LOC128462377: variants seen among roughly 807,000 people sequenced by gnomAD.
chr16:89,339,099 T>C, the LOC128462377 span, among the ~76,000 whole-genome samples: 3 of 152,146 alleles, frequency 2.0e-5, no homozygotes, highest in Non-Finnish European at 4.4e-5. Context: ...TGGGTGAGCG[T>C]TGCACCCCCA....
At chr16:89,334,381 CT>C in the LOC128462377 span, among the ~76,000 whole-genome samples, 1 of 152,162 alleles carries the variant, frequency 6.6e-6, no homozygotes, top group African/African-American at 2.4e-5. Flanking sequence ...ACAACCTCCT[CT>C]CAGGTTCTGA....
chr16:89,379,748 T>C, the LOC128462377 span, among the ~76,000 whole-genome samples: 1 of 152,236 alleles, frequency 6.6e-6, no homozygotes, highest in Non-Finnish European at 1.5e-5. Context: ...GTTCTTGTGA[T>C]TCACAAAGAA....
At chr16:89,333,622 A>G in the LOC128462377 span, among the ~76,000 whole-genome samples, 1 of 152,072 alleles carries the variant, frequency 6.6e-6, no homozygotes, top group East Asian at 1.9e-4. Context: ...TACAGTGTGT[A>G]GTCCTTGGAG....
At chr16:89,342,073 C>CTCT in the LOC128462377 span, among the ~76,000 whole-genome samples, 2 of 78,064 alleles carry the variant, frequency 2.6e-5, no homozygotes, top group African/African-American at 8.6e-5. Context: ...GCTGCACCTC[C>CTCT]ACCGCCCACA....
the LOC128462377 span, among the ~76,000 whole-genome samples, chr16:89,356,780 C>CA: frequency 0.6 from 61,697 of 103,544 alleles, 16,553 homozygotes; most frequent in Middle Eastern, 0.69. Context: ...GACTCCGTCT[C>CA]AAAAAAAAAA....
chr16:89,327,301 T>C, the LOC128462377 span, among the ~76,000 whole-genome samples: 1 of 151,992 alleles, frequency 6.6e-6, no homozygotes, highest in South Asian at 2.1e-4. Flanking sequence ...AACAGGAGTG[T>C]GGAGAAACAT....
the LOC128462377 span, among the ~76,000 whole-genome samples, chr16:89,415,485 TG>T: frequency 6.8e-6 from 1 of 147,552 alleles, no homozygotes; most frequent in Admixed American, 6.7e-5. Flanking sequence ...AGGATGGTCT[TG>T]ATCTCCTGAC....
At chr16:89,404,193 C>A in the LOC128462377 span, among the ~76,000 whole-genome samples, 1 of 152,208 alleles carries the variant, frequency 6.6e-6, no homozygotes, top group Non-Finnish European at 1.5e-5. Context: ...CAGCCTCAGG[C>A]AGCATGGGGT....
chr16:89,373,804 C>T, the LOC128462377 span, among the ~76,000 whole-genome samples: 3 of 152,238 alleles, frequency 2.0e-5, no homozygotes, highest in African/African-American at 4.8e-5. Flanking sequence ...ACCTGACAGA[C>T]GCCTGTGTAG....
chr16:89,372,976 A>G, the LOC128462377 span: 1 of 152,186 alleles, frequency 6.6e-6, no homozygotes, highest in African/African-American at 2.4e-5. Flanking sequence ...GCCTACCTAC[A>G]TACACCCCGA....
the LOC128462377 span, among the ~76,000 whole-genome samples, chr16:89,371,899 T>C: frequency 1.3e-5 from 2 of 152,132 alleles, no homozygotes; most frequent in Non-Finnish European, 2.9e-5. Context: ...TCCACTGGCA[T>C]CAAGAGGAAC....
chr16:89,323,050 C>T, the LOC128462377 span: 4 of 300,792 alleles, frequency 1.3e-5, no homozygotes, highest in Middle Eastern at 1.3e-3. Context: ...GCCATGCTTC[C>T]GAGGCTGGTG....
At chr16:89,340,321 A>G in the LOC128462377 span, among the ~76,000 whole-genome samples, 1 of 152,252 alleles carries the variant, frequency 6.6e-6, no homozygotes, top group African/African-American at 2.4e-5. Context: ...TCTGTCGCCC[A>G]GGCTGAAGTG....
chr16:89,352,170 G>A, the LOC128462377 span, among the ~76,000 whole-genome samples: 1 of 152,112 alleles, frequency 6.6e-6, no homozygotes. Context: ...GATCACAGGC[G>A]TGAGCCATTG....
chr16:89,379,133 G>C, the LOC128462377 span, among the ~76,000 whole-genome samples: 2 of 152,230 alleles, frequency 1.3e-5, no homozygotes, highest in African/African-American at 2.4e-5. Flanking sequence ...CTGGCTTCTA[G>C]AAGGTGGGGC....
At chr16:89,397,043 T>G in the LOC128462377 span, among the ~76,000 whole-genome samples, 3 of 152,098 alleles carry the variant, frequency 2.0e-5, no homozygotes, top group African/African-American at 7.2e-5. Context: ...TTTTAAAGAA[T>G]GTGCTGCTTA....
chr16:89,319,300 T>C, the LOC128462377 span, among the ~76,000 whole-genome samples: 2 of 152,364 alleles, frequency 1.3e-5, no homozygotes, highest in East Asian at 1.9e-4. Flanking sequence ...ATTCTCTTCA[T>C]GTCCCTAGCT....
the LOC128462377 span, among the ~76,000 whole-genome samples, chr16:89,370,487 G>A: frequency 6.6e-6 from 1 of 152,152 alleles, no homozygotes; most frequent in Non-Finnish European, 1.5e-5. Context: ...AGGGCCTTGA[G>A]GCAAATTCCC....
the LOC128462377 span, among the ~76,000 whole-genome samples, chr16:89,334,557 C>A: frequency 6.6e-6 from 1 of 152,162 alleles, no homozygotes; most frequent in African/African-American, 2.4e-5. Flanking sequence ...AGTGGGCATG[C>A]GGCATGCTAT....
Sources: allele counts gnomAD v4.1 joint callset (sites outside exome capture counted in the v4.1 genomes callset), GRCh38; gene constraint gnomAD v4.1.1; transcripts MANE v1.5.